Variants in NR2F1-AS1 observed in about 807,000 individuals in gnomAD.
The protein encoded by NR2F1-AS1 is NR2F1 regulatory antisense RNA 1.
At chr5:93,449,054 G>A (rs1021122465) in intron 4 of NR2F1-AS1, among the ~76,000 whole-genome samples, 9 of 152,148 alleles carry the variant, frequency 5.9e-5, no homozygotes, top group Non-Finnish European at 1.2e-4. Context: ...TTGCAGCATA[G>A]ATGGATTAAA....
At chr5:93,446,239 T>C (rs1344670261) in intron 4 of NR2F1-AS1, among the ~76,000 whole-genome samples, 5 of 152,228 alleles carry the variant, frequency 3.3e-5, no homozygotes, top group Admixed American at 6.5e-5. Flanking sequence ...GGTATTCAAT[T>C]AGGAAAAGAG....
intron 4 of NR2F1-AS1, among the ~76,000 whole-genome samples, chr5:93,502,265 G>GTA (rs1751096838): frequency 1.3e-5 from 2 of 152,060 alleles, no homozygotes; most frequent in African/African-American, 4.8e-5. Flanking sequence ...TATCTCTGAG[G>GTA]TATGTCTGTA....
intron 4 of NR2F1-AS1, among the ~76,000 whole-genome samples, chr5:93,476,650 C>T (rs895711221): frequency 1.1e-4 from 16 of 152,110 alleles, no homozygotes; most frequent in Non-Finnish European, 1.5e-4. Context: ...TCCTTCCTAA[C>T]GTTATTGGAG....
chr5:93,523,740 C>T (rs1751553631), intron 4 of NR2F1-AS1, among the ~76,000 whole-genome samples: 1 of 152,168 alleles, frequency 6.6e-6, no homozygotes, highest in Non-Finnish European at 1.5e-5. Context: ...CAGCAAACTC[C>T]AGCAGACCTG....
chr5:93,565,449 A>G (rs1325696065), intron 1 of NR2F1-AS1, among the ~76,000 whole-genome samples: 1 of 152,164 alleles, frequency 6.6e-6, no homozygotes, highest in Non-Finnish European at 1.5e-5. Flanking sequence ...TCAAATTTTT[A>G]GAACATGTAA....
At chr5:93,578,916 C>T (rs1487619068) in intron 1 of NR2F1-AS1, among the ~76,000 whole-genome samples, 1 of 152,092 alleles carries the variant, frequency 6.6e-6, no homozygotes, top group Non-Finnish European at 1.5e-5. Context: ...GACAAGTGTG[C>T]CAATTGGGAC....
At chr5:93,428,508 G>T (rs1041123528) in intron 4 of NR2F1-AS1, among the ~76,000 whole-genome samples, 10 of 152,230 alleles carry the variant, frequency 6.6e-5, no homozygotes, top group Admixed American at 6.5e-4. Context: ...ATAGTAACAG[G>T]TATTAATATT....
chr5:93,500,563 T>C (rs974480773), intron 4 of NR2F1-AS1, among the ~76,000 whole-genome samples: 9 of 152,186 alleles, frequency 5.9e-5, no homozygotes, highest in Non-Finnish European at 1.2e-4. Context: ...AAGATTCACA[T>C]TGTTTTCTTG....
At chr5:93,473,813 A>C (rs1750424503) in intron 4 of NR2F1-AS1, among the ~76,000 whole-genome samples, 1 of 151,922 alleles carries the variant, frequency 6.6e-6, no homozygotes, top group Non-Finnish European at 1.5e-5. Flanking sequence ...GCCACTATTC[A>C]AATTTAAATA....
Position 93,445,116 on chromosome 5 carries a change from C to T in NR2F1-AS1, n.639-49574G>A, listed in dbSNP as rs558432160. The stretch of plus-strand genomic sequence containing the variant: ...GGAAGCAGGAAAGATCTAAAATTGA[C>T]ACCCTAACATCATAATTAAAAGAAC... On this transcript the variant is annotated intron_variant and non_coding_transcript_variant, in intron 4 of 5. Coordinates refer to ENST00000660523, the Ensembl canonical transcript of NR2F1-AS1. Among the ~76,000 whole-genome samples the T allele has an allele frequency of 3.3e-5, 5 of 152,216 alleles. No individual in the cohort carries two copies. In the East Asian group the frequency reaches 9.6e-4, roughly 29 times the overall value.
chr5:93,526,681 G>C (rs1751624496), intron 4 of NR2F1-AS1, among the ~76,000 whole-genome samples: 1 of 152,164 alleles, frequency 6.6e-6, no homozygotes, highest in African/African-American at 2.4e-5. Context: ...GGGATGCAAG[G>C]CTGGTTCAAC....
chr5:93,458,502 A>G (rs1214351147), intron 4 of NR2F1-AS1, among the ~76,000 whole-genome samples: 1 of 152,202 alleles, frequency 6.6e-6, no homozygotes, highest in African/African-American at 2.4e-5. Context: ...ATAAGCATAT[A>G]ATGAAATTAT....
At chr5:93,420,015 G>T (rs1238572402) in intron 4 of NR2F1-AS1, among the ~76,000 whole-genome samples, 1 of 152,140 alleles carries the variant, frequency 6.6e-6, no homozygotes, top group Non-Finnish European at 1.5e-5. Context: ...TGACCAACAG[G>T]TGAAATCCTG....
intron 4 of NR2F1-AS1, among the ~76,000 whole-genome samples, chr5:93,479,800 A>G (rs1200889769): frequency 6.6e-6 from 1 of 152,210 alleles, no homozygotes; most frequent in Non-Finnish European, 1.5e-5. Context: ...CATTAGGCAA[A>G]CTATATATAA....
chr5:93,580,999 CTCGTCACTAAGCGG>C (rs1196122753), upstream of NR2F1-AS1: 2 of 152,288 alleles, frequency 1.3e-5, no homozygotes, highest in Non-Finnish European at 2.9e-5. Context: ...AAAATCATCG[CTCGTCACTAAGCGG>C]TCGCCGACTC....
chr5:93,508,957 A>T (rs1751241279), intron 4 of NR2F1-AS1, among the ~76,000 whole-genome samples: 1 of 152,142 alleles, frequency 6.6e-6, no homozygotes, highest in Admixed American at 6.5e-5. Flanking sequence ...GACTGGCTAC[A>T]TCAGGCAAAG....
chr5:93,542,614 T>TA, intron 4 of NR2F1-AS1: 1 of 152,286 alleles, frequency 6.6e-6, no homozygotes, highest in African/African-American at 2.4e-5. Flanking sequence ...TGCAATCACT[T>TA]AAAGCACTAA....
chr5:93,517,109 A>T (rs1751413761), intron 4 of NR2F1-AS1, among the ~76,000 whole-genome samples: 1 of 151,912 alleles, frequency 6.6e-6, no homozygotes, highest in Non-Finnish European at 1.5e-5. Context: ...ACTTCTCATA[A>T]AGTATGTTTG....
At chr5:93,507,359 T>C (rs1298149017) in intron 4 of NR2F1-AS1, among the ~76,000 whole-genome samples, 2 of 151,802 alleles carry the variant, frequency 1.3e-5, no homozygotes, top group African/African-American at 2.4e-5. Flanking sequence ...TGTTTTGTTT[T>C]GTTTTGTTTT....
Sources: allele counts gnomAD v4.1 joint callset (sites outside exome capture counted in the v4.1 genomes callset), GRCh38; gene constraint gnomAD v4.1.1; transcripts MANE v1.5; gene names NCBI Gene and HGNC (gene_info 2026-07-23, HGNC 2026-07-21).